Variants in FOXD4L6 observed in about 807,000 individuals in gnomAD.
FOXD4L6 encodes the protein forkhead box protein D4-like 6.
Under a neutral mutation model 12.9 loss-of-function variants are expected in FOXD4L6, and 1 was observed. That is an observed-to-expected ratio of 0.08 (90% CI 0.03 to 0.37). The LOEUF is 0.37. Ranked by LOEUF, FOXD4L6 falls within the 10% of genes least tolerant of loss-of-function variation. The probability of loss-of-function intolerance (pLI) is 0.99; values close to 1 mark genes in which losing one functional copy is unlikely to be tolerated. For synonymous variants in FOXD4L6, 10 were observed against 164.7 expected, an observed-to-expected ratio of 0.06 and a Z score of 7.19; for missense variants, 23 against 369.9, an observed-to-expected ratio of 0.06 and a Z score of 7.69.
rs1824934065 is a variant in FOXD4L6 at position 41,127,007 on chromosome 9, G to T, written c.*123C>A. 6.7e-7 allele frequency: 1 copy of T among 1,499,140 alleles called. No homozygotes were observed. The highest frequency in any genetic ancestry group is 2.3e-5 in the East Asian group (1 of 43,566). The allele number at this position is 1,499,140 out of a possible 1,614,324, so 92.9% of individuals were successfully genotyped here. On this transcript the variant is annotated 3_prime_UTR_variant, in exon 1 of 1. Transcript: ENST00000622588. ...CCCACTCCCACCTGGCTCTAGGAGGGCCCTGCGGAGTTGGCCAGGGAACTG... is the reference window on the plus strand; with the variant it reads ...CCCACTCCCACCTGGCTCTAGGAGGTCCCTGCGGAGTTGGCCAGGGAACTG...
rs1824931113 is a variant in FOXD4L6, at chr9:41,126,822, C to A, written c.*308G>T. On this transcript the variant is annotated 3_prime_UTR_variant, in exon 1 of 1. Coordinates refer to ENST00000622588, the MANE Select transcript of FOXD4L6 (RefSeq NM_001085476.4). ...CAAGAAAAGATGACTTGACGCCCTG[C>A]GAAGGTTACGTTCAGGTGGTTTTTA... The A allele has an allele frequency of 3.8e-6, 2 of 527,046 alleles. No homozygotes were observed. Among genetic ancestry groups the A allele is most frequent in the Admixed American group, 4.0e-5 (1 of 25,230 alleles). 32.6% of individuals were successfully genotyped at this position (527,046 alleles called of 1,614,324 possible).
rs1249603457 is a variant in FOXD4L6 at position 41,127,060 on chromosome 9, G to A, written c.*70C>T. 1 of 1,331,628 alleles carries A rather than the reference G, an allele frequency of 7.5e-7. No homozygotes were observed. The highest frequency in any genetic ancestry group is 2.7e-5 in the Admixed American group (1 of 37,734). 82.5% of individuals were successfully genotyped at this position (1,331,628 alleles called of 1,614,324 possible). ...CGTGGGCGATACTAAAAAAACTGGT[G>A]AGGTCCCCTCTCCGCCCAAAGGGGC... On this transcript the variant is annotated 3_prime_UTR_variant, in exon 1 of 1. Coordinates refer to ENST00000622588, the MANE Select transcript of FOXD4L6 (RefSeq NM_001085476.4).
chr9:41,127,004 A>G lies in FOXD4L6; in HGVS notation c.*126T>C, dbSNP rs1824933999. On this transcript the variant is annotated 3_prime_UTR_variant, in exon 1 of 1. Coordinates refer to ENST00000622588, the MANE Select transcript of FOXD4L6 (RefSeq NM_001085476.4). ...CTCCCCACTCCCACCTGGCTCTAGGAGGGCCCTGCGGAGTTGGCCAGGGAA... is the reference window on the plus strand; with the variant it reads ...CTCCCCACTCCCACCTGGCTCTAGGGGGGCCCTGCGGAGTTGGCCAGGGAA... The G allele has an allele frequency of 6.6e-7, 1 of 1,505,160 alleles. No homozygotes were observed. Among genetic ancestry groups the G allele is most frequent in the East Asian group, 2.3e-5 (1 of 43,674 alleles). The allele number at this position is 1,505,160 out of a possible 1,614,324, so 93.2% of individuals were successfully genotyped here.
Position 41,126,924 on chromosome 9 carries a change from C to G in FOXD4L6, c.*206G>C. 3 of 1,490,214 alleles carry G rather than the reference C, an allele frequency of 2.0e-6. 1 individual carries two copies. Among genetic ancestry groups the G allele is most frequent in the Non-Finnish European group, 2.7e-6 (3 of 1,113,660 alleles). The allele number at this position is 1,490,214 out of a possible 1,614,324, so 92.3% of individuals were successfully genotyped here. ...TTCGTGTTTGCTCTCCAGCGGGATT[C>G]AGATGCACACGCCCTGAATGGGCCG... On this transcript the variant is annotated 3_prime_UTR_variant, in exon 1 of 1. Coordinates refer to ENST00000622588, the MANE Select transcript of FOXD4L6 (RefSeq NM_001085476.4).
rs1423397413 is a variant in FOXD4L6 at position 41,127,055 on chromosome 9, C to G, written c.*75G>C. ...CTGGGCGTGGGCGATACTAAAAAAA[C>G]TGGTGAGGTCCCCTCTCCGCCCAAA... is the stretch of plus-strand genomic sequence containing the variant. On this transcript the variant is annotated 3_prime_UTR_variant, in exon 1 of 1. Coordinates refer to ENST00000622588, the MANE Select transcript of FOXD4L6 (RefSeq NM_001085476.4). 18 of 1,309,350 alleles carry G rather than the reference C, an allele frequency of 1.4e-5. No homozygotes were observed. The highest frequency in any genetic ancestry group is 1.8e-5 in the Non-Finnish European group (17 of 963,980). 81.1% of individuals were successfully genotyped at this position (1,309,350 alleles called of 1,614,324 possible).
At position 41,127,013 on chromosome 9, in the gene FOXD4L6, C is replaced by T; in HGVS notation, c.*117G>A. 3 of 1,469,760 alleles carry T rather than the reference C, an allele frequency of 2.0e-6. No individual in the cohort carries two copies. Among genetic ancestry groups the T allele is most frequent in the Non-Finnish European group, 2.7e-6 (3 of 1,096,628 alleles). 91.0% of individuals were successfully genotyped at this position (1,469,760 alleles called of 1,614,324 possible). A position where few individuals can be genotyped will look rare whatever the true frequency, so the allele number is the denominator to read the frequency against. ...CCCACCTGGCTCTAGGAGGGCCCTGCGGAGTTGGCCAGGGAACTGGGCGTG... is the reference window on the plus strand; with the variant it reads ...CCCACCTGGCTCTAGGAGGGCCCTGTGGAGTTGGCCAGGGAACTGGGCGTG... On this transcript the variant is annotated 3_prime_UTR_variant, in exon 1 of 1. Transcript: ENST00000622588.
At position 41,126,973 on chromosome 9, in the gene FOXD4L6, G is replaced by C. The variant is rs1274820969; in HGVS notation, c.*157C>G. 16 of 1,524,900 alleles carry C rather than the reference G, an allele frequency of 1.0e-5. 1 individual carries two copies. The highest frequency in any genetic ancestry group is 4.6e-5 in the East Asian group (2 of 43,928). The allele number at this position is 1,524,900 out of a possible 1,614,324, so 94.5% of individuals were successfully genotyped here. On this transcript the variant is annotated 3_prime_UTR_variant, in exon 1 of 1. Coordinates refer to ENST00000622588, the MANE Select transcript of FOXD4L6 (RefSeq NM_001085476.4). ...CGCGCAAGGTGAAGTGAGCAGCTGC[G>C]GGTCGCTCCCCACTCCCACCTGGCT... is the stretch of plus-strand genomic sequence containing the variant.
At position 41,126,994 on chromosome 9, in the gene FOXD4L6, T is replaced by C; in HGVS notation, c.*136A>G. 6.6e-7 allele frequency: 1 copy of C among 1,517,850 alleles called. No individual in the cohort carries two copies. The highest frequency in any genetic ancestry group is 1.3e-5 in the South Asian group (1 of 75,772). The allele number at this position is 1,517,850 out of a possible 1,614,324, so 94.0% of individuals were successfully genotyped here. A position where few individuals can be genotyped will look rare whatever the true frequency, so the allele number is the denominator to read the frequency against. On this transcript the variant is annotated 3_prime_UTR_variant, in exon 1 of 1. Coordinates refer to ENST00000622588, the MANE Select transcript of FOXD4L6 (RefSeq NM_001085476.4). The stretch of plus-strand genomic sequence containing the variant: ...CTGCGGGTCGCTCCCCACTCCCACC[T>C]GGCTCTAGGAGGGCCCTGCGGAGTT...
chr9:41,127,503 GC>G, the FOXD4L6 span: 1 of 1,543,550 alleles, frequency 6.5e-7, no homozygotes, highest in African/African-American at 1.5e-5. Flanking sequence ...CGGGAAGGGT[GC>G]CGGGGTCGCC....
In FOXD4L6 at chr9:41,127,355, T is replaced by G; in HGVS notation, c.1029A>C (p.Arg343Ser). 1.9e-6 allele frequency: 3 copies of G among 1,611,800 alleles called. No individual in the cohort carries two copies. The highest frequency in any genetic ancestry group is 2.5e-6 in the Non-Finnish European group (3 of 1,179,762). ...GSGERVQGLR[R>S]VCPRPRGATA... The stretch of plus-strand genomic sequence containing the variant: ...TAGCTCCACGCGGTCGGGGACAAAC[T>G]CTGCGCAGCCCCTGTACCCGCTCCC... Residue 343 changes from arginine to serine, a missense_variant, in exon 1 of 1, where the codon AGA (arginine) becomes AGC (serine). By Grantham distance (110) the Arg-to-Ser change is moderately radical (BLOSUM62 -1). Coordinates refer to ENST00000622588, the MANE Select transcript of FOXD4L6 (RefSeq NM_001085476.4).
chr9:41,126,978 G>C lies in FOXD4L6; in HGVS notation c.*152C>G. On this transcript the variant is annotated 3_prime_UTR_variant, in exon 1 of 1. Coordinates refer to ENST00000622588, the MANE Select transcript of FOXD4L6 (RefSeq NM_001085476.4). ...AAGGTGAAGTGAGCAGCTGCGGGTC[G>C]CTCCCCACTCCCACCTGGCTCTAGG... 1 of 1,522,566 alleles carries C rather than the reference G, an allele frequency of 6.6e-7. No individual in the cohort carries two copies. Among genetic ancestry groups the C allele is most frequent in the Non-Finnish European group, 8.8e-7 (1 of 1,138,084 alleles). The allele number at this position is 1,522,566 out of a possible 1,614,324, so 94.3% of individuals were successfully genotyped here.
chr9:41,126,889 C>G lies in FOXD4L6; in HGVS notation c.*241G>C. ...CTGTTTCTTTCTAACCATTTTGCAG[C>G]GAACAGAAGTTCGTGTTTGCTCTCC... On this transcript the variant is annotated 3_prime_UTR_variant, in exon 1 of 1. Transcript: ENST00000622588. 9.3e-7 allele frequency: 1 copy of G among 1,070,762 alleles called. No individual in the cohort carries two copies. 66.3% of individuals were successfully genotyped at this position (1,070,762 alleles called of 1,614,324 possible).
Position 41,126,945 on chromosome 9 carries a change from G to T in FOXD4L6, c.*185C>A. ...GATTCAGATGCACACGCCCTGAATGGGCCGCGCAAGGTGAAGTGAGCAGCT... is the reference window on the plus strand; with the variant it reads ...GATTCAGATGCACACGCCCTGAATGTGCCGCGCAAGGTGAAGTGAGCAGCT... On this transcript the variant is annotated 3_prime_UTR_variant, in exon 1 of 1. Coordinates refer to ENST00000622588, the MANE Select transcript of FOXD4L6 (RefSeq NM_001085476.4). 6.6e-7 allele frequency: 1 copy of T among 1,521,584 alleles called. No individual in the cohort carries two copies. Among genetic ancestry groups the T allele is most frequent in the Non-Finnish European group, 8.8e-7 (1 of 1,137,836 alleles). The allele number at this position is 1,521,584 out of a possible 1,614,324, so 94.3% of individuals were successfully genotyped here.
Position 41,127,291 on chromosome 9 carries a change from G to A in FOXD4L6, c.1093C>T (p.Pro365Ser). ...CSSDHQACCIPRPLPLCCKCP... is the reference protein window; with the variant it reads ...CSSDHQACCISRPLPLCCKCP... Reference sequence around the variant, plus strand: ...TTGCAGCAAAGGGGCAGCGGTCTGGGGATGCAACAGGCTTGATGGTCGCTG... The same window carrying A: ...TTGCAGCAAAGGGGCAGCGGTCTGGAGATGCAACAGGCTTGATGGTCGCTG... The change falls in exon 1 of 1, where the codon CCC becomes TCC. Residue 365 changes from proline to serine, a missense_variant. Pro to Ser is a moderately conservative substitution (Grantham distance 74). Coordinates refer to ENST00000622588, the MANE Select transcript of FOXD4L6 (RefSeq NM_001085476.4). 1 of 1,607,726 alleles carries A rather than the reference G, an allele frequency of 6.2e-7. No homozygotes were observed. The highest frequency in any genetic ancestry group is 8.5e-7 in the Non-Finnish European group (1 of 1,176,710).
Position 41,128,273 on chromosome 9 carries a change from G to A in FOXD4L6, c.111C>T (p.Asp37=). The change falls in exon 1 of 1, where the codon GAC becomes GAT. Residue 37 remains aspartate (D), a synonymous_variant. Transcript: ENST00000622588. ...IDVLGEEEDE[D]EVEDEEEAAS... is the part of the protein sequence containing the mutation. Reference sequence around the variant, plus strand: ...CCGCCTCCTCCTCGTCTTCCACCTCGTCTTCATCTTCCTCCTCTCCCAGGA... The same window carrying A: ...CCGCCTCCTCCTCGTCTTCCACCTCATCTTCATCTTCCTCCTCTCCCAGGA... The A allele has an allele frequency of 6.6e-6, 1 of 152,630 alleles. No homozygotes were observed. The highest frequency in any genetic ancestry group is 1.2e-5 in the Non-Finnish European group (1 of 86,066). 9.5% of individuals were successfully genotyped at this position (152,630 alleles called of 1,614,324 possible). A position where few individuals can be genotyped will look rare whatever the true frequency, so the allele number is the denominator to read the frequency against.
At chr9:41,127,262 A>T in the FOXD4L6 span, 2 of 1,607,576 alleles carry the variant, frequency 1.2e-6, no homozygotes, top group Non-Finnish European at 1.7e-6. Flanking sequence ...GCGGCGGCGG[A>T]CACTTGCAGC....
In FOXD4L6 at chr9:41,126,926, G is replaced by A; in HGVS notation, c.*204C>T. 2 of 1,494,634 alleles carry A rather than the reference G, an allele frequency of 1.3e-6. No homozygotes were observed. Among genetic ancestry groups the A allele is most frequent in the Non-Finnish European group, 1.8e-6 (2 of 1,117,490 alleles). 92.6% of individuals were successfully genotyped at this position (1,494,634 alleles called of 1,614,324 possible). On this transcript the variant is annotated 3_prime_UTR_variant, in exon 1 of 1. Coordinates refer to ENST00000622588, the MANE Select transcript of FOXD4L6 (RefSeq NM_001085476.4). ...CGTGTTTGCTCTCCAGCGGGATTCA[G>A]ATGCACACGCCCTGAATGGGCCGCG... is the stretch of plus-strand genomic sequence containing the variant.
At position 41,128,370 on chromosome 9, in the gene FOXD4L6, C is replaced by T. The variant is rs1210417827; in HGVS notation, c.14G>A (p.Arg5Lys). 3.5e-5 allele frequency: 2 copies of T among 56,850 alleles called. 1 individual carries two copies. Among genetic ancestry groups the T allele is most frequent in the African/African-American group, 1.1e-4 (2 of 17,690 alleles). 3.5% of individuals were successfully genotyped at this position (56,850 alleles called of 1,614,324 possible). A position where few individuals can be genotyped will look rare whatever the true frequency, so the allele number is the denominator to read the frequency against. The part of the protein sequence containing the change: MNLP[R>K]AERLRSTPQR... ...CGGTGTGGAGCGAAGGCGCTCAGCT[C>T]TTGGCAGGTTCATGGAGGAGCAGGT... The change falls in exon 1 of 1, where the codon AGA becomes AAA. Residue 5 changes from arginine to lysine, a missense_variant. Coordinates refer to ENST00000622588, the MANE Select transcript of FOXD4L6 (RefSeq NM_001085476.4).
At position 41,127,036 on chromosome 9, in the gene FOXD4L6, G is replaced by A. The variant is rs1413159331; in HGVS notation, c.*94C>T. ...TGCGGAGTTGGCCAGGGAACTGGGC[G>A]TGGGCGATACTAAAAAAACTGGTGA... On this transcript the variant is annotated 3_prime_UTR_variant, in exon 1 of 1. Coordinates refer to ENST00000622588, the MANE Select transcript of FOXD4L6 (RefSeq NM_001085476.4). 4.8e-6 allele frequency: 6 copies of A among 1,250,424 alleles called. No homozygotes were observed. The highest frequency in any genetic ancestry group is 1.5e-5 in the South Asian group (1 of 67,560). 77.5% of individuals were successfully genotyped at this position (1,250,424 alleles called of 1,614,324 possible).
Sources: gnomAD v4.1 joint callset for allele counts on GRCh38, gnomAD v4.1.1 for gene constraint, MANE v1.5 for transcripts, NCBI Gene and HGNC (gene_info 2026-07-23, HGNC 2026-07-21) for gene names.